Variants in EYA1 observed in about 807,000 individuals in gnomAD.
EYA1 encodes the protein EYA transcriptional coactivator and phosphatase 1.
EYA1 carries 16 observed loss-of-function variants against 82.0 expected under a neutral mutation model. That is an observed-to-expected ratio of 0.20 (90% CI 0.13 to 0.30). The LOEUF (loss-of-function observed/expected upper bound fraction) is 0.30. Among genes scored for constraint, EYA1 ranks in the 10% least tolerant of loss-of-function variants. EYA1 has a pLI of 1.00. For missense variants in EYA1, 633 were observed against 730.7 expected, an observed-to-expected ratio of 0.87 and a Z score of 1.54; for synonymous variants, 261 against 264.4, an observed-to-expected ratio of 0.99 and a Z score of 0.12.
intron 2 of EYA1, among the ~76,000 whole-genome samples, chr8:71,485,795 C>T (rs1810521860): frequency 6.6e-6 from 1 of 152,106 alleles, no homozygotes; most frequent in African/African-American, 2.4e-5. Context: ...AAAGATTTGA[C>T]ATCCAAGTCA....
chr8:71,213,980 T>A (rs982788494), intron 16 of EYA1, among the ~76,000 whole-genome samples: 1 of 152,210 alleles, frequency 6.6e-6, no homozygotes, highest in Non-Finnish European at 1.5e-5. Flanking sequence ...TATTACAGTA[T>A]GACGGGGAAG....
intron 2 of EYA1, among the ~76,000 whole-genome samples, chr8:71,468,944 A>G (rs768043892): frequency 2.0e-5 from 3 of 152,072 alleles, no homozygotes; most frequent in Non-Finnish European, 4.4e-5. Context: ...TAAACTTTCA[A>G]ATTATTTGTC....
chr8:71,211,824 T>G (rs1253558558), intron 16 of EYA1, among the ~76,000 whole-genome samples: 1 of 152,216 alleles, frequency 6.6e-6, no homozygotes, highest in East Asian at 1.9e-4. Context: ...GAAAGTCTGA[T>G]GTAGTCTTGT....
chr8:71,522,766 C>T (rs986579302), intron 2 of EYA1, among the ~76,000 whole-genome samples: 4 of 152,120 alleles, frequency 2.6e-5, no homozygotes, highest in East Asian at 1.9e-4. Flanking sequence ...CATGCCACCA[C>T]ACCTGGCTAA....
At chr8:71,321,702 T>C in intron 6 of EYA1, 32 bp downstream of exon 6, 2 of 1,611,616 alleles carry the variant, frequency 1.2e-6, no homozygotes, top group Non-Finnish European at 1.7e-6. Context: ...GCCCATGCGA[T>C]AACGCCACCA....
chr8:71,401,898 A>G (rs1053103007), intron 2 of EYA1, among the ~76,000 whole-genome samples: 4 of 152,196 alleles, frequency 2.6e-5, no homozygotes, highest in Admixed American at 2.0e-4. Context: ...CAGCATCCAT[A>G]AAGCCAGGCT....
At chr8:71,319,762 A>G (rs1822325930) in intron 6 of EYA1, among the ~76,000 whole-genome samples, 1 of 152,226 alleles carries the variant, frequency 6.6e-6, no homozygotes, top group Non-Finnish European at 1.5e-5. Context: ...GACTATCAGC[A>G]GTTAAAACCC....
intron 3 of EYA1, among the ~76,000 whole-genome samples, chr8:71,353,279 A>G (rs1013790122): frequency 1.8e-4 from 27 of 152,224 alleles, no homozygotes; most frequent in Admixed American, 7.2e-4. Context: ...ACTCTGCAGT[A>G]GGCATGCTTT....
intron 2 of EYA1, among the ~76,000 whole-genome samples, chr8:71,377,667 C>G (rs1399942093): frequency 6.6e-6 from 1 of 152,122 alleles, no homozygotes. Context: ...TGTTGTGCAT[C>G]ACCATCATTC....
intron 2 of EYA1, among the ~76,000 whole-genome samples, chr8:71,466,536 C>A (rs984662236): frequency 2.6e-5 from 4 of 152,010 alleles, no homozygotes; most frequent in Non-Finnish European, 4.4e-5. Context: ...CATGCAGTGA[C>A]TGTAAAATAT....
intron 2 of EYA1, among the ~76,000 whole-genome samples, chr8:71,517,578 C>CTCATTA (rs1266927972): frequency 6.6e-6 from 1 of 151,604 alleles, no homozygotes; most frequent in Admixed American, 6.6e-5. Context: ...ACCCAGGTTT[C>CTCATTA]TCATTATTAT....
At chr8:71,323,411 T>C (rs1394772588) in intron 4 of EYA1, among the ~76,000 whole-genome samples, 1 of 152,234 alleles carries the variant, frequency 6.6e-6, no homozygotes, top group Non-Finnish European at 1.5e-5. Flanking sequence ...AAGTTTCATA[T>C]AGTTTTCCCA....
chr8:71,395,759 T>G (rs1429220205), intron 2 of EYA1, among the ~76,000 whole-genome samples: 1 of 152,142 alleles, frequency 6.6e-6, no homozygotes, highest in East Asian at 1.9e-4. Context: ...TCTCTTTTTT[T>G]GCTGTATCTC....
At chr8:71,449,529 C>A (rs1252205328) in intron 2 of EYA1, among the ~76,000 whole-genome samples, 1 of 152,160 alleles carries the variant, frequency 6.6e-6, no homozygotes, top group Non-Finnish European at 1.5e-5. Flanking sequence ...TTTAAAAAAC[C>A]AAGCTATGGA....
intron 3 of EYA1, among the ~76,000 whole-genome samples, chr8:71,345,156 A>G (rs1202051337): frequency 1.3e-5 from 2 of 152,336 alleles, no homozygotes; most frequent in Middle Eastern, 3.4e-3. Flanking sequence ...TGTTTTGAGC[A>G]TGTAGTAGAT....
At chr8:71,313,594 A>G (rs1419856116) in intron 7 of EYA1, among the ~76,000 whole-genome samples, 2 of 152,204 alleles carry the variant, frequency 1.3e-5, no homozygotes, top group Non-Finnish European at 2.9e-5. Flanking sequence ...GACAATCTCA[A>G]TGATATCTCA....
intron 2 of EYA1, among the ~76,000 whole-genome samples, chr8:71,400,232 G>A (rs573930808): frequency 1.1e-4 from 16 of 152,122 alleles, no homozygotes; most frequent in Non-Finnish European, 1.8e-4. Context: ...GCACATAGGC[G>A]CAGGCAAAGA....
chr8:71,211,360 A>C, intron 16 of EYA1, 104 bp from the exon 17 acceptor site: 1 of 750,916 alleles, frequency 1.3e-6, no homozygotes, highest in Non-Finnish European at 2.4e-6. Flanking sequence ...TCTGATTCGA[A>C]TGCCCCACTA....
At chr8:71,540,810 T>C (rs1815079603) in intron 1 of EYA1, among the ~76,000 whole-genome samples, 1 of 152,148 alleles carries the variant, frequency 6.6e-6, no homozygotes, top group Non-Finnish European at 1.5e-5. Context: ...TCACCAAGTG[T>C]TGAGTTTTCT....
Sources: gnomAD v4.1 joint callset for allele counts (sites outside exome capture counted in the v4.1 genomes callset) on GRCh38, gnomAD v4.1.1 for gene constraint, MANE v1.5 for transcripts, NCBI Gene and HGNC (gene_info 2026-07-23, HGNC 2026-07-21) for gene names.